Variants in GATC observed in about 807,000 individuals in gnomAD.
GATC encodes glutamyl-tRNA(Gln) amidotransferase subunit C, mitochondrial.
In GATC, 11 loss-of-function variants were observed where a neutral mutation model predicts 14.4. The observed-to-expected ratio is 0.77, with a 90% CI of 0.48 to 1.27. The LOEUF is 1.27. GATC is among the 50% of genes most tolerant of loss of function. The pLI is 0.00. For synonymous variants in GATC, 76 were observed against 79.3 expected (o/e 0.96, Z 0.22); for missense variants, 204 against 183.0 (o/e 1.11, Z -0.66).
At position 120,461,997 on chromosome 12, in the gene GATC, G is replaced by GA. The variant is rs1176618236; in HGVS notation, c.*2044dup. On this transcript the variant is annotated 3_prime_UTR_variant, in exon 4 of 4. Transcript: ENST00000551765. ...CAGCTCAGTTAACCTAAAAAATAAAGAAAAAATTCCCATCACCTGTCTCAG... is the reference window on the plus strand; with the variant it reads ...CAGCTCAGTTAACCTAAAAAATAAAGAAAAAAATTCCCATCACCTGTCTCAG... 1 of 1,582,812 alleles carries GA rather than the reference G, an allele frequency of 6.3e-7. No homozygotes were observed. The highest frequency in any genetic ancestry group is 8.6e-7 in the Non-Finnish European group (1 of 1,164,814).
At chr12:120,457,054 C>T (rs1403211367) in intron 2 of GATC, 22 bp from the exon 3 acceptor site, 1 of 1,557,906 alleles carries the variant, frequency 6.4e-7, no homozygotes, top group African/African-American at 1.4e-5. Context: ...AGAGGGTAAC[C>T]TTGAGCTTCT....
chr12:120,453,913 CTAAA>C (rs113495820), intron 2 of GATC, among the ~76,000 whole-genome samples: 4,222 of 151,592 alleles, frequency 0.028, 194 homozygotes, highest in African/African-American at 0.097. Flanking sequence ...TAACCAATAA[CTAAA>C]TAGAAATGTA....
At position 120,462,043 on chromosome 12, in the gene GATC, G is replaced by A. The variant is rs770810155; in HGVS notation, c.*2084G>A. On this transcript the variant is annotated 3_prime_UTR_variant, in exon 4 of 4. Coordinates refer to ENST00000551765, the MANE Select transcript of GATC (RefSeq NM_176818.3). Reference sequence around the variant, plus strand: ...CTCAGTAGGGCCTGAAAGGAGAGAAGTAGTGTGGGGAACCCCTGCTTTGGT... The same window carrying A: ...CTCAGTAGGGCCTGAAAGGAGAGAAATAGTGTGGGGAACCCCTGCTTTGGT... The A allele has an allele frequency of 6.2e-6, 10 of 1,611,598 alleles. No homozygotes were observed. The African/African-American group carries it at 1.1e-4, about 17-fold the overall frequency.
rs1389076474 is a variant in GATC at position 120,460,389 on chromosome 12, C to T, written c.*430C>T. 6.5e-6 allele frequency: 1 copy of T among 154,832 alleles called. No individual in the cohort carries two copies. Among genetic ancestry groups the T allele is most frequent in the African/African-American group, 2.4e-5 (1 of 41,456 alleles). The allele number at this position is 154,832 out of a possible 1,614,324, so 9.6% of individuals were successfully genotyped here. Reference sequence around the variant, plus strand: ...TTTGCATTGATTTGAGCAGCCCTATCTTTACCGAACATACCTGAATTTGTT... The same window carrying T: ...TTTGCATTGATTTGAGCAGCCCTATTTTTACCGAACATACCTGAATTTGTT... On this transcript the variant is annotated 3_prime_UTR_variant, in exon 4 of 4. Transcript: ENST00000551765.
chr12:120,446,616 AG>A, intron 1 of GATC, 40 bp from the exon 2 acceptor site: 3 of 1,592,412 alleles, frequency 1.9e-6, no homozygotes, highest in Non-Finnish European at 2.6e-6. Context: ...GGCACTTCGG[AG>A]CGCCGGTGAC....
At position 120,462,035 on chromosome 12, in the gene GATC, G is replaced by A. The variant is rs1878356344; in HGVS notation, c.*2076G>A. The A allele has an allele frequency of 6.2e-7, 1 of 1,610,744 alleles. No homozygotes were observed. ...TCACCTGTCTCAGTAGGGCCTGAAA[G>A]GAGAGAAGTAGTGTGGGGAACCCCT... On this transcript the variant is annotated 3_prime_UTR_variant, in exon 4 of 4. Transcript: ENST00000551765.
intron 2 of GATC, among the ~76,000 whole-genome samples, chr12:120,449,348 T>C (rs1459689743): frequency 6.6e-6 from 1 of 152,148 alleles, no homozygotes; most frequent in African/African-American, 2.4e-5. Flanking sequence ...ATGTGTTGAG[T>C]CTCTGCCCCT....
chr12:120,448,239 T>C (rs1399729632), intron 2 of GATC, among the ~76,000 whole-genome samples: 1 of 152,006 alleles, frequency 6.6e-6, no homozygotes, highest in Non-Finnish European at 1.5e-5. Flanking sequence ...AAAATTTTTG[T>C]AGAAACGGGG....
chr12:120,448,926 G>T (rs1040590733), intron 2 of GATC, among the ~76,000 whole-genome samples: 1 of 151,330 alleles, frequency 6.6e-6, no homozygotes, highest in Non-Finnish European at 1.5e-5. Context: ...TTATAGGCGT[G>T]AGCCACAAGT....
chr12:120,451,875 C>CTTTTTTTT (rs1170221029), intron 2 of GATC, among the ~76,000 whole-genome samples: 3 of 90,786 alleles, frequency 3.3e-5, no homozygotes, highest in Non-Finnish European at 6.8e-5. Context: ...TATATAAATT[C>CTTTTTTTT]TTTTTTTTTT....
At position 120,460,050 on chromosome 12, in the gene GATC, T is replaced by G. The variant is rs1167146053; in HGVS notation, c.*91T>G. 3.8e-5 allele frequency: 36 copies of G among 939,760 alleles called. No homozygotes were observed. The highest frequency in any genetic ancestry group is 2.2e-4 in the Admixed American group (10 of 44,814). 58.2% of individuals were successfully genotyped at this position (939,760 alleles called of 1,614,324 possible). On this transcript the variant is annotated 3_prime_UTR_variant, in exon 4 of 4. Coordinates refer to ENST00000551765, the MANE Select transcript of GATC (RefSeq NM_176818.3). Reference sequence around the variant, plus strand: ...TGTGAATACTAATGTTCCTGCTTTTTTCAGTCCCCTGAAAAAATGGATGCT... The same window carrying G: ...TGTGAATACTAATGTTCCTGCTTTTGTCAGTCCCCTGAAAAAATGGATGCT...
At chr12:120,455,495 C>T (rs977764745) in intron 2 of GATC, among the ~76,000 whole-genome samples, 8 of 151,988 alleles carry the variant, frequency 5.3e-5, no homozygotes, top group Non-Finnish European at 1.2e-4. Context: ...CGCCGCCCCC[C>T]TCCAAGAAAT....
intron 3 of GATC, among the ~76,000 whole-genome samples, chr12:120,459,163 G>GCTAAA (rs1878262304): frequency 6.6e-6 from 1 of 152,002 alleles, no homozygotes; most frequent in African/African-American, 2.4e-5. Context: ...CCGGCCGTGA[G>GCTAAA]CTAAACTCTT....
At chr12:120,450,457 C>G (rs960081561) in intron 2 of GATC, 4 of 152,256 alleles carry the variant, frequency 2.6e-5, no homozygotes, top group Non-Finnish European at 5.9e-5. Flanking sequence ...TCCACACTGA[C>G]TGTAGATTTG....
rs1285172908 is a variant in GATC, at chr12:120,462,382, T to C, written c.*2423T>C. On this transcript the variant is annotated 3_prime_UTR_variant, in exon 4 of 4. Coordinates refer to ENST00000551765, the MANE Select transcript of GATC (RefSeq NM_176818.3). ...GAAAATTAAGACTTAAGTTATATCA[T>C]TTGCCCAAGGTAACACAATAAATGC... 2 of 445,348 alleles carry C rather than the reference T, an allele frequency of 4.5e-6. No individual in the cohort carries two copies. The highest frequency in any genetic ancestry group is 4.0e-5 in the African/African-American group (2 of 49,456). 27.6% of individuals were successfully genotyped at this position (445,348 alleles called of 1,614,324 possible). A position where few individuals can be genotyped will look rare whatever the true frequency, so the allele number is the denominator to read the frequency against.
Position 120,461,975 on chromosome 12 carries a change from C to T in GATC, c.*2016C>T, listed in dbSNP as rs1379983677. 6.4e-7 allele frequency: 1 copy of T among 1,555,766 alleles called. No individual in the cohort carries two copies. Among genetic ancestry groups the T allele is most frequent in the Admixed American group, 1.9e-5 (1 of 52,802 alleles). On this transcript the variant is annotated 3_prime_UTR_variant, in exon 4 of 4. Transcript: ENST00000551765. Reference sequence around the variant, plus strand: ...AATGTAGATTCTGAGCACAAAGCAGCTCAGTTAACCTAAAAAATAAAGAAA... The same window carrying T: ...AATGTAGATTCTGAGCACAAAGCAGTTCAGTTAACCTAAAAAATAAAGAAA...
rs757948697 is a variant in GATC at position 120,460,891 on chromosome 12, G to C, written c.*932G>C. The stretch of plus-strand genomic sequence containing the variant: ...GTGATGACAGGTGCCTGTAGTCCCA[G>C]CTACTCGGGAGGCTGAGGCAGGAGA... On this transcript the variant is annotated 3_prime_UTR_variant, in exon 4 of 4. Coordinates refer to ENST00000551765, the MANE Select transcript of GATC (RefSeq NM_176818.3). 1 of 151,920 alleles carries C rather than the reference G, an allele frequency of 6.6e-6. No homozygotes were observed. The highest frequency in any genetic ancestry group is 1.5e-5 in the Non-Finnish European group (1 of 68,016). The allele number at this position is 151,920 out of a possible 1,614,324, so 9.4% of individuals were successfully genotyped here.
intron 2 of GATC, among the ~76,000 whole-genome samples, chr12:120,452,935 A>G (rs145376436): frequency 3.3e-5 from 5 of 152,146 alleles, no homozygotes; most frequent in East Asian, 1.9e-4. Flanking sequence ...GGCTCAAACA[A>G]TTCACCCCCT....
chr12:120,452,936 T>C (rs1443061480), intron 2 of GATC, among the ~76,000 whole-genome samples: 1 of 152,132 alleles, frequency 6.6e-6, no homozygotes, highest in Non-Finnish European at 1.5e-5. Context: ...GCTCAAACAA[T>C]TCACCCCCTT....
Sources: gnomAD v4.1 joint callset for allele counts (sites outside exome capture counted in the v4.1 genomes callset) on GRCh38, gnomAD v4.1.1 for gene constraint, MANE v1.5 for transcripts, NCBI Gene and HGNC (gene_info 2026-07-23, HGNC 2026-07-21) for gene names.